The following ZNF771 variants were observed in gnomAD, a reference collection of about 807,000 sequenced individuals.
ZNF771 encodes mesenchymal stem cell protein DSC43.
A neutral mutation model predicts 27.6 loss-of-function variants in ZNF771; 10 were observed. That is an observed-to-expected ratio of 0.36 (90% CI 0.22 to 0.61). The LOEUF is 0.61. Ranked by LOEUF, ZNF771 falls within the 20% of genes least tolerant of loss-of-function variation. The pLI, the probability that ZNF771 is intolerant of heterozygous loss-of-function variation, is 0.70. For missense variants in ZNF771, 438 were observed against 503.7 expected (o/e 0.87, Z 1.25); for synonymous variants, 261 against 225.2 (o/e 1.16, Z -1.43).
At chr16:30,415,947 G>A (rs2050131814) in intron 2 of ZNF771, among the ~76,000 whole-genome samples, 1 of 152,136 alleles carries the variant, frequency 6.6e-6, no homozygotes, top group African/African-American at 2.4e-5. Flanking sequence ...CCCTTCATGT[G>A]CCTCTTAGAA....
At chr16:30,408,899 T>C (rs2050090296) in intron 2 of ZNF771, among the ~76,000 whole-genome samples, 1 of 152,140 alleles carries the variant, frequency 6.6e-6, no homozygotes, top group Non-Finnish European at 1.5e-5. Context: ...TTGACTTCCC[T>C]GGGCTCAGGT....
In ZNF771 at chr16:30,417,577, C is replaced by A; in HGVS notation, c.164C>A (p.Pro55Gln). 1 of 1,228,460 alleles carries A rather than the reference C, an allele frequency of 8.1e-7. No homozygotes were observed. Among genetic ancestry groups the A allele is most frequent in the South Asian group, 4.0e-5 (1 of 24,854 alleles). The allele number at this position is 1,228,460 out of a possible 1,614,324, so 76.1% of individuals were successfully genotyped here. A position where few individuals can be genotyped will look rare whatever the true frequency, so the allele number is the denominator to read the frequency against. ...NKEVPGEAPA[P>Q]SADPARPHAC... ...CAGGTCCCGGGCGAGGCGCCCGCGC[C>A]GTCCGCCGACCCGGCGCGTCCCCAC... Residue 55 changes from proline to glutamine, a missense_variant, in exon 3 of 3, where the codon CCG (proline) becomes CAG (glutamine). By Grantham distance (76) the Pro-to-Gln change is moderately conservative (BLOSUM62 -1). Around this residue, in one of 3 missense-constraint regions of ZNF771, gnomAD observed 84 missense variants for 89.2 expected, o/e 0.94. Coordinates refer to ENST00000319296, the MANE Select transcript of ZNF771 (RefSeq NM_001142305.2).
Position 30,418,272 on chromosome 16 carries a change from TATATTTGCGCCGGCTGC to T in ZNF771, c.860_876del (p.Tyr287TrpfsTer23), listed in dbSNP as rs1343905846. The T allele has an allele frequency of 6.6e-7, 1 of 1,511,194 alleles. No individual in the cohort carries two copies. Among genetic ancestry groups the T allele is most frequent in the African/African-American group, 1.4e-5 (1 of 69,696 alleles). 93.6% of individuals were successfully genotyped at this position (1,511,194 alleles called of 1,614,324 possible). ...ACGCGCGCACATGCGGCGCCGCCTG[TATATTTGCGCCGGCTGC>T]GGCAGGGACTTCAAGCTGCCCCCTG... On this transcript the variant is annotated frameshift_variant, in exon 3 of 3. Transcript: ENST00000319296. LOFTEE classifies it high-confidence loss of function.
At position 30,417,671 on chromosome 16, in the gene ZNF771, G is replaced by T; in HGVS notation, c.258G>T (p.Thr86=). Residue 86 remains threonine, a synonymous_variant, in exon 3 of 3, where the codon ACG becomes ACT. Transcript: ENST00000319296. ...STLAKHARTH[T]GERPFGCTEC... The stretch of plus-strand genomic sequence containing the variant: ...TGGCGAAGCACGCGCGCACGCACAC[G>T]GGCGAACGGCCCTTCGGGTGCACCG... The T allele has an allele frequency of 7.2e-7, 1 of 1,379,450 alleles. No individual in the cohort carries two copies. The highest frequency in any genetic ancestry group is 9.4e-7 in the Non-Finnish European group (1 of 1,068,430). The allele number at this position is 1,379,450 out of a possible 1,614,324, so 85.5% of individuals were successfully genotyped here.
In ZNF771 at chr16:30,418,327, C is replaced by G; in HGVS notation, c.914C>G (p.Ala305Gly). Residue 305 changes from alanine (A) to glycine (G), a missense_variant, in exon 3 of 3, where the codon GCC becomes GGC. Ala to Gly is a moderately conservative substitution (Grantham distance 60). Coordinates refer to ENST00000319296, the MANE Select transcript of ZNF771 (RefSeq NM_001142305.2). ...AAGCTGCCCCCTGGCGCCACGGCCGCCACTGCCACCGAGCGTTGCCCGGAG... is the reference window on the plus strand; with the variant it reads ...AAGCTGCCCCCTGGCGCCACGGCCGGCACTGCCACCGAGCGTTGCCCGGAG... ...DFKLPPGATA[A>G]TATERCPECE... is the part of the protein sequence containing the mutation. 1 of 1,472,628 alleles carries G rather than the reference C, an allele frequency of 6.8e-7. No homozygotes were observed. The highest frequency in any genetic ancestry group is 1.3e-5 in the South Asian group (1 of 76,712). 91.2% of individuals were successfully genotyped at this position (1,472,628 alleles called of 1,614,324 possible). A position where few individuals can be genotyped will look rare whatever the true frequency, so the allele number is the denominator to read the frequency against.
chr16:30,417,645 C>T lies in ZNF771; in HGVS notation c.232C>T (p.Leu78=). The change falls in exon 3 of 3, where the codon CTG becomes TTG. Residue 78 remains leucine, a synonymous_variant. Transcript: ENST00000319296. The part of the protein sequence containing the change: ...CGRAFARRST[L]AKHARTHTGE... ...CCGCGCCTTCGCGCGCCGCTCCACG[C>T]TGGCGAAGCACGCGCGCACGCACAC... is the stretch of plus-strand genomic sequence containing the variant. 1 of 1,362,770 alleles carries T rather than the reference C, an allele frequency of 7.3e-7. No individual in the cohort carries two copies. Among genetic ancestry groups the T allele is most frequent in the South Asian group, 1.7e-5 (1 of 58,950 alleles). The allele number at this position is 1,362,770 out of a possible 1,614,324, so 84.4% of individuals were successfully genotyped here.
rs757786558 is a variant in ZNF771 at position 30,418,181 on chromosome 16, G to A, written c.768G>A (p.Glu256=). The A allele has an allele frequency of 8.1e-6, 12 of 1,489,570 alleles. No individual in the cohort carries two copies. The South Asian group carries it at 1.1e-4, about 14-fold the overall frequency. 92.3% of individuals were successfully genotyped at this position (1,489,570 alleles called of 1,614,324 possible). ...LAEHARTHTG[E]RPYPCAECGR... ...AGCACGCGCGCACGCACACAGGCGA[G>A]CGGCCCTACCCCTGCGCCGAGTGCG... The change falls in exon 3 of 3, where the codon GAG becomes GAA. Residue 256 remains glutamate, a synonymous_variant. Coordinates refer to ENST00000319296, the MANE Select transcript of ZNF771 (RefSeq NM_001142305.2).
At position 30,418,003 on chromosome 16, in the gene ZNF771, A is replaced by C; in HGVS notation, c.590A>C (p.His197Pro). ...SSCLARHRRT[H>P]TGERPYACAD... ...TGCCTGGCGCGCCACCGACGCACGCACACGGGCGAGCGGCCCTACGCTTGC... is the reference window on the plus strand; with the variant it reads ...TGCCTGGCGCGCCACCGACGCACGCCCACGGGCGAGCGGCCCTACGCTTGC... The change falls in exon 3 of 3, where the codon CAC (histidine) becomes CCC (proline). Residue 197 changes from histidine to proline, a missense_variant. Coordinates refer to ENST00000319296, the MANE Select transcript of ZNF771 (RefSeq NM_001142305.2). 6 of 1,472,756 alleles carry C rather than the reference A, an allele frequency of 4.1e-6. No homozygotes were observed. The highest frequency in any genetic ancestry group is 5.3e-6 in the Non-Finnish European group (6 of 1,121,646). 91.2% of individuals were successfully genotyped at this position (1,472,756 alleles called of 1,614,324 possible).
chr16:30,417,842 C>A lies in ZNF771; in HGVS notation c.429C>A (p.Gly143=), dbSNP rs752953475. The A allele has an allele frequency of 8.0e-6, 12 of 1,505,220 alleles. No individual in the cohort carries two copies. In the Admixed American group the frequency reaches 1.9e-4, roughly 24 times the overall value. The allele number at this position is 1,505,220 out of a possible 1,614,324, so 93.2% of individuals were successfully genotyped here. A position where few individuals can be genotyped will look rare whatever the true frequency, so the allele number is the denominator to read the frequency against. The change falls in exon 3 of 3, where the codon GGC becomes GGA. Residue 143 remains glycine, a synonymous_variant. Transcript: ENST00000319296. ...NLRQHRRRHT[G]EKPYACAHCG... is the part of the protein sequence containing the mutation. ...GGCAGCACCGGCGGCGGCACACGGG[C>A]GAGAAGCCGTACGCATGCGCGCACT...
At chr16:30,407,987 C>CT in intron 1 of ZNF771, 58 bp from the exon 2 acceptor site, 1 of 719,334 alleles carries the variant, frequency 1.4e-6, no homozygotes, top group Non-Finnish European at 1.9e-6. Flanking sequence ...CCACGGTGGG[C>CT]GGGGGGGGGG....
Position 30,418,430 on chromosome 16 carries a change from T to G in ZNF771, c.*63T>G. 1 of 1,334,618 alleles carries G rather than the reference T, an allele frequency of 7.5e-7. No homozygotes were observed. The highest frequency in any genetic ancestry group is 2.6e-4 in the Middle Eastern group (1 of 3,774). The allele number at this position is 1,334,618 out of a possible 1,614,324, so 82.7% of individuals were successfully genotyped here. On this transcript the variant is annotated 3_prime_UTR_variant, in exon 3 of 3. Coordinates refer to ENST00000319296, the MANE Select transcript of ZNF771 (RefSeq NM_001142305.2). Reference sequence around the variant, plus strand: ...ACCTGGCTGCACTAACCCAGGCTCCTCCTCGCCCCGGCCTCCGGGTCTGGG... The same window carrying G: ...ACCTGGCTGCACTAACCCAGGCTCCGCCTCGCCCCGGCCTCCGGGTCTGGG...
chr16:30,413,955 CT>C (rs2050120097), intron 2 of ZNF771: 1 of 152,872 alleles, frequency 6.5e-6, no homozygotes, highest in Non-Finnish European at 1.5e-5. Flanking sequence ...CTGGATTCAG[CT>C]CCTCTTACCA....
chr16:30,417,899 C>T lies in ZNF771; in HGVS notation c.486C>T (p.Tyr162=), dbSNP rs776482812. 1.3e-6 allele frequency: 2 copies of T among 1,516,254 alleles called. No individual in the cohort carries two copies. The highest frequency in any genetic ancestry group is 1.2e-5 in the South Asian group (1 of 81,724). 93.9% of individuals were successfully genotyped at this position (1,516,254 alleles called of 1,614,324 possible). The change falls in exon 3 of 3, where the codon TAC becomes TAT. Residue 162 remains tyrosine, a synonymous_variant. Transcript: ENST00000319296. ...GCCGCTTCGCGCAGAGCTCCAACTA[C>T]GCACAGCACCTGCGCGTGCACACGG... ...CGRRFAQSSN[Y]AQHLRVHTGE... is the part of the protein sequence containing the mutation.
In ZNF771 at chr16:30,417,722, G is replaced by C. The variant is rs1381538197; in HGVS notation, c.309G>C (p.Lys103Asn). 10 of 1,393,290 alleles carry C rather than the reference G, an allele frequency of 7.2e-6. No individual in the cohort carries two copies. The highest frequency in any genetic ancestry group is 8.3e-6 in the Non-Finnish European group (9 of 1,078,074). 86.3% of individuals were successfully genotyped at this position (1,393,290 alleles called of 1,614,324 possible). The change falls in exon 3 of 3, where the codon AAG (lysine) becomes AAC (asparagine). Residue 103 changes from lysine (K) to asparagine (N), a missense_variant. By Grantham distance (94) the Lys-to-Asn change is moderately conservative (BLOSUM62 0). Transcript: ENST00000319296. ...AGTGCGGGCGGCGCTTCTCACAGAA[G>C]TCGGCGCTGACCAAACACGGCCGCA... ...CTECGRRFSQKSALTKHGRTH... is the reference protein window; with the variant it reads ...CTECGRRFSQNSALTKHGRTH...
rs930464639 is a variant in ZNF771 at position 30,417,871 on chromosome 16, G to A, written c.458G>A (p.Gly153Asp). The A allele has an allele frequency of 2.0e-6, 3 of 1,507,016 alleles. No homozygotes were observed. Among genetic ancestry groups the A allele is most frequent in the Admixed American group, 4.3e-5 (2 of 46,966 alleles). 93.4% of individuals were successfully genotyped at this position (1,507,016 alleles called of 1,614,324 possible). ...GEKPYACAHCGRRFAQSSNYA... is the reference protein window; with the variant it reads ...GEKPYACAHCDRRFAQSSNYA... The stretch of plus-strand genomic sequence containing the variant: ...AAGCCGTACGCATGCGCGCACTGCG[G>A]CCGCCGCTTCGCGCAGAGCTCCAAC... The change falls in exon 3 of 3, where the codon GGC becomes GAC. Residue 153 changes from glycine (G) to aspartate (D), a missense_variant. By Grantham distance (94) the Gly-to-Asp change is moderately conservative. Transcript: ENST00000319296.
At chr16:30,414,743 A>G (rs2050124143) in intron 2 of ZNF771, 1 of 150,988 alleles carries the variant, frequency 6.6e-6, no homozygotes, top group East Asian at 1.9e-4. Flanking sequence ...TCCCGGGTTC[A>G]TGTCATTCTC....
In ZNF771 at chr16:30,407,992, G is replaced by GT. The variant is rs1567439612; in HGVS notation, c.-9-53_-9-52insT. 1.5e-4 allele frequency: 137 copies of GT among 909,094 alleles called. 4 individuals carry two copies. The highest frequency in any genetic ancestry group is 3.8e-4 in the Middle Eastern group (1 of 2,598). The allele number at this position is 909,094 out of a possible 1,614,324, so 56.3% of individuals were successfully genotyped here. A position where few individuals can be genotyped will look rare whatever the true frequency, so the allele number is the denominator to read the frequency against. ...TGGGCCAGGGCCACGGTGGGCGGGG[G>GT]GGGGGGTGGGGGGGGGCGGGTCCTG... is the stretch of plus-strand genomic sequence containing the variant. On this transcript the variant is annotated intron_variant, in intron 1 of 2. Transcript: ENST00000319296.
chr16:30,409,586 G>A (rs1248572093), intron 2 of ZNF771, among the ~76,000 whole-genome samples: 1 of 152,292 alleles, frequency 6.6e-6, no homozygotes, highest in South Asian at 2.1e-4. Context: ...GCTTGCAGGG[G>A]CCGGGACTCT....
intron 2 of ZNF771, among the ~76,000 whole-genome samples, chr16:30,415,965 C>A (rs1244481485): frequency 6.6e-6 from 1 of 152,170 alleles, no homozygotes; most frequent in Admixed American, 6.5e-5. Flanking sequence ...GAAGGCATTT[C>A]TTTCCTTTTT....
Sources: allele counts gnomAD v4.1 joint callset (sites outside exome capture counted in the v4.1 genomes callset), GRCh38; gene constraint gnomAD v4.1.1; regional missense constraint gnomAD v4.1.1; transcripts MANE v1.5; gene names NCBI Gene and HGNC (gene_info 2026-07-23, HGNC 2026-07-21).